KCTD3: variants seen among roughly 807,000 people sequenced by gnomAD.
The protein encoded by KCTD3 is potassium channel tetramerization domain containing 3.
A neutral mutation model predicts 85.8 loss-of-function variants in KCTD3; 41 were observed. That is an observed-to-expected ratio of 0.48 (90% CI 0.37 to 0.62). KCTD3 has a LOEUF of 0.62. Among genes scored for constraint, KCTD3 ranks in the 20% least tolerant of loss-of-function variants. The probability of loss-of-function intolerance (pLI) is 0.00; values close to 1 mark genes in which losing one functional copy is unlikely to be tolerated. For synonymous variants in KCTD3, 338 were observed against 345.4 expected (o/e 0.98, Z 0.24); for missense variants, 724 against 989.9 (o/e 0.73, Z 3.60).
At chr1:215,591,154 A>G (rs1451978507) in intron 9 of KCTD3, among the ~76,000 whole-genome samples, 2 of 151,742 alleles carry the variant, frequency 1.3e-5, no homozygotes, top group Non-Finnish European at 2.9e-5. Flanking sequence ...AGTTGGAACT[A>G]CTCCATCTAC....
chr1:215,582,762 A>G (rs1659872785), intron 8 of KCTD3, among the ~76,000 whole-genome samples: 1 of 152,002 alleles, frequency 6.6e-6, no homozygotes, highest in Non-Finnish European at 1.5e-5. Context: ...GGGTTTCACC[A>G]TGTTGGCCAG....
intron 14 of KCTD3, among the ~76,000 whole-genome samples, 199 bp from the exon 15 acceptor site, chr1:215,611,626 T>C (rs1166459645): frequency 6.6e-6 from 1 of 152,022 alleles, no homozygotes; most frequent in Non-Finnish European, 1.5e-5. Flanking sequence ...GAAATAATTG[T>C]GTATTTCTTT....
At chr1:215,609,425 T>C (rs1655150445) in intron 14 of KCTD3, among the ~76,000 whole-genome samples, 3 of 152,014 alleles carry the variant, frequency 2.0e-5, no homozygotes. Context: ...ACTGAGTGAA[T>C]AGGCCAGTGC....
intron 4 of KCTD3, among the ~76,000 whole-genome samples, chr1:215,577,281 TA>T (rs1047256483): frequency 3.3e-5 from 5 of 152,088 alleles, no homozygotes; most frequent in African/African-American, 1.2e-4. Context: ...TTGGGGAGAT[TA>T]AGATAGATAT....
intron 9 of KCTD3, among the ~76,000 whole-genome samples, chr1:215,593,116 TTTG>T (rs1201755206): frequency 2.6e-5 from 4 of 152,198 alleles, no homozygotes; most frequent in Admixed American, 2.6e-4. Context: ...GTTCACATTG[TTTG>T]TTATCATCAT....
chr1:215,607,954 A>T, intron 13 of KCTD3, 63 bp from the exon 14 acceptor site: 1 of 1,400,342 alleles, frequency 7.1e-7, no homozygotes. Flanking sequence ...ATGATAGTGA[A>T]AAAAGTTAAA....
At chr1:215,582,102 T>C (rs1016885444) in intron 8 of KCTD3, among the ~76,000 whole-genome samples, 43 of 152,374 alleles carry the variant, frequency 2.8e-4, no homozygotes, top group African/African-American at 9.6e-4. Context: ...CCACTTTAGA[T>C]CTTTAATCCT....
chr1:215,587,158 CTCGCTCTG>C (rs1248875506), intron 9 of KCTD3, among the ~76,000 whole-genome samples: 1 of 146,842 alleles, frequency 6.8e-6, no homozygotes, highest in Non-Finnish European at 1.5e-5. Context: ...GAGACTGAGT[CTCGCTCTG>C]TCGCCCAGGC....
chr1:215,620,290 C>T lies in KCTD3; in HGVS notation c.2120C>T (p.Ser707Phe), dbSNP rs772849762. 6.2e-7 allele frequency: 1 copy of T among 1,613,874 alleles called. No homozygotes were observed. Among genetic ancestry groups the T allele is most frequent in the Admixed American group, 1.7e-5 (1 of 59,992 alleles). Residue 707 changes from serine (S) to phenylalanine (F), a missense_variant, in exon 18 of 18, where the codon TCT becomes TTT. Transcript: ENST00000259154. ...GGGGCAACAGGGGAATGTAATATAT[C>T]TGAGAGAAAGTCTCCTGGAGTAGAA... is the stretch of plus-strand genomic sequence containing the variant. ...VKGATGECNI[S>F]ERKSPGVEIK...
Position 215,620,087 on chromosome 1 carries a change from T to A in KCTD3, c.1917T>A (p.His639Gln). 6.2e-7 allele frequency: 1 copy of A among 1,605,620 alleles called. No homozygotes were observed. Among genetic ancestry groups the A allele is most frequent in the Non-Finnish European group, 8.5e-7 (1 of 1,177,458 alleles). Residue 639 changes from histidine (H) to glutamine (Q), a missense_variant, in exon 18 of 18, where the codon CAT (histidine) becomes CAA (glutamine). This residue lies in a region of KCTD3 where 222 missense variants were observed against 217.7 expected (regional missense o/e 1.02). Coordinates refer to ENST00000259154, the MANE Select transcript of KCTD3 (RefSeq NM_016121.5). Reference protein sequence around the residue: ...SLQLQHHDTTHEAATYGSMRP... With the variant: ...SLQLQHHDTTQEAATYGSMRP... Reference sequence around the variant, plus strand: ...AGCTTCAGCACCATGATACCACCCATGAAGCAGCTACTTACGGTTCCATGA... The same window carrying A: ...AGCTTCAGCACCATGATACCACCCAAGAAGCAGCTACTTACGGTTCCATGA...
At chr1:215,595,766 A>G (rs1660394916) in intron 10 of KCTD3, among the ~76,000 whole-genome samples, 1 of 152,170 alleles carries the variant, frequency 6.6e-6, no homozygotes, top group African/African-American at 2.4e-5. Flanking sequence ...TATTTCCAGA[A>G]TAGGAGCACA....
chr1:215,576,817 CT>C (rs1659604028), intron 4 of KCTD3, among the ~76,000 whole-genome samples: 1 of 152,184 alleles, frequency 6.6e-6, no homozygotes, highest in Non-Finnish European at 1.5e-5. Flanking sequence ...ATCCACCCGC[CT>C]TGGCCTCCCA....
intron 1 of KCTD3, among the ~76,000 whole-genome samples, chr1:215,570,376 C>T (rs190925629): frequency 2.0e-5 from 3 of 151,910 alleles, no homozygotes; most frequent in East Asian, 3.9e-4. Context: ...TGTTAGTATT[C>T]GTTATTTACA....
At chr1:215,615,726 G>C (rs900703179) in intron 15 of KCTD3, among the ~76,000 whole-genome samples, 3 of 152,092 alleles carry the variant, frequency 2.0e-5, no homozygotes, top group Non-Finnish European at 4.4e-5. Flanking sequence ...ACAAAAGATA[G>C]GCTAGCAAGA....
At chr1:215,580,103 G>GT (rs1659762219) in intron 8 of KCTD3, 104 bp downstream of exon 8, 2 of 708,984 alleles carry the variant, frequency 2.8e-6, no homozygotes, top group African/African-American at 1.8e-5. Context: ...TAGTCATCAA[G>GT]TTTTTTCCCT....
intron 15 of KCTD3, among the ~76,000 whole-genome samples, chr1:215,615,991 C>T (rs1042728829): frequency 1.3e-5 from 2 of 152,228 alleles, no homozygotes; most frequent in Admixed American, 1.3e-4. Context: ...GTAGTGAGGG[C>T]CTTAATTTCT....
intron 13 of KCTD3, 126 bp downstream of exon 13, chr1:215,604,428 G>A (rs1654937701): frequency 4.2e-6 from 3 of 707,310 alleles, no homozygotes; most frequent in South Asian, 1.9e-5. Flanking sequence ...TTTAATGACT[G>A]AAGAAATTAT....
chr1:215,599,918 T>G (rs1231491491), intron 10 of KCTD3, among the ~76,000 whole-genome samples: 1 of 150,322 alleles, frequency 6.7e-6, no homozygotes, highest in East Asian at 2.0e-4. Context: ...AAAGAATGTA[T>G]CCAAAGGGAG....
chr1:215,598,888 A>G (rs1654714392), intron 10 of KCTD3, among the ~76,000 whole-genome samples: 1 of 152,242 alleles, frequency 6.6e-6, no homozygotes, highest in Non-Finnish European at 1.5e-5. Flanking sequence ...ATTGAAAAAG[A>G]TAACAACTGC....
Sources: allele counts gnomAD v4.1 joint callset (sites outside exome capture counted in the v4.1 genomes callset), GRCh38; gene constraint gnomAD v4.1.1; regional missense constraint gnomAD v4.1.1; transcripts MANE v1.5; gene names NCBI Gene and HGNC (gene_info 2026-07-23, HGNC 2026-07-21).